The following PRH1 variants were observed in gnomAD, a reference collection of about 807,000 sequenced individuals.
PRH1 encodes proline rich protein HaeIII subfamily 1, also known as salivary acidic proline-rich phosphoprotein 1/2.
In PRH1, 7 loss-of-function variants were observed where a neutral mutation model predicts 7.9. That is an observed-to-expected ratio of 0.89 (90% CI 0.50 to 1.67). The LOEUF (loss-of-function observed/expected upper bound fraction) is 1.67, where lower values mean the gene tolerates loss of function less well. PRH1 is among the 40% of genes most tolerant of loss of function. The pLI is 0.00. For missense variants in PRH1, 109 were observed against 223.6 expected, an observed-to-expected ratio of 0.49 and a Z score of 3.27; for synonymous variants, 45 against 80.8, an observed-to-expected ratio of 0.56 and a Z score of 2.38.
intron 1 of PRH1, among the ~76,000 whole-genome samples, chr12:10,977,836 G>A (rs1397619385): frequency 2.0e-5 from 3 of 151,994 alleles, no homozygotes; most frequent in Admixed American, 6.6e-5. Flanking sequence ...ACATATAGAG[G>A]AATACAGCTG....
intron 2 of PRH1, among the ~76,000 whole-genome samples, chr12:10,903,553 A>G (rs759407680): frequency 6.6e-6 from 1 of 152,066 alleles, no homozygotes; most frequent in Non-Finnish European, 1.5e-5. Context: ...CATCTATGAC[A>G]AAACTACAGC....
chr12:11,077,316 T>C, intron 1 of PRH1: 1 of 287,666 alleles, frequency 3.5e-6, no homozygotes, highest in Non-Finnish European at 7.0e-6. Context: ...TGTGAATCTA[T>C]GGAGTTGAGG....
intron 1 of PRH1, among the ~76,000 whole-genome samples, chr12:11,107,011 TG>T (rs1340327320): frequency 6.6e-6 from 1 of 152,092 alleles, no homozygotes; most frequent in East Asian, 1.9e-4. Context: ...CCTTCTTTTT[TG>T]GGGTAGGGGA....
intron 2 of PRH1, chr12:10,938,261 G>C: frequency 6.3e-7 from 1 of 1,580,250 alleles, no homozygotes; most frequent in Non-Finnish European, 8.6e-7. Context: ...TATTCAAGAT[G>C]ATTCTCTAAA....
chr12:11,066,858 A>G (rs1281250789), intron 1 of PRH1, among the ~76,000 whole-genome samples: 1 of 135,516 alleles, frequency 7.4e-6, no homozygotes, highest in Non-Finnish European at 1.7e-5. Context: ...AAACCAACAT[A>G]TTTTCAAGAA....
At chr12:11,154,571 G>C (rs1473989721) in intron 1 of PRH1, among the ~76,000 whole-genome samples, 1 of 152,126 alleles carries the variant, frequency 6.6e-6, no homozygotes, top group Non-Finnish European at 1.5e-5. Flanking sequence ...GAAGGTTAGG[G>C]CCAGAACTTC....
chr12:11,095,906 A>T lies in PRH1; in HGVS notation n.124-48718T>A, dbSNP rs1945060455. Among the ~76,000 whole-genome samples the T allele has an allele frequency of 1.7e-5, 2 of 115,280 alleles. 1 individual carries two copies. The highest frequency in any genetic ancestry group is 4.7e-4 in the South Asian group (2 of 4,224). The allele number at this position is 115,280 out of a possible 152,430, so 75.6% of individuals were successfully genotyped here. ...ATTCTACTTTTGAAATACACTGAAG[A>T]CATGAATCCATTGAACTCTAGCTTT... is the stretch of plus-strand genomic sequence containing the variant. On this transcript the variant is annotated intron_variant and non_coding_transcript_variant, in intron 1 of 4. Coordinates refer to the PRH1 transcript ENST00000541977.
At position 10,961,308 on chromosome 12, in the gene PRH1, T is replaced by C. The variant is rs978127928; in HGVS notation, c.-59+12347A>G. 1.3e-5 allele frequency among the ~76,000 whole-genome samples: 2 copies of C among 150,614 alleles called. 1 individual carries two copies. Among genetic ancestry groups the C allele is most frequent in the African/African-American group, 5.0e-5 (2 of 40,006 alleles). ...CAAGAGAAAGAACCAGCAAAGGAGA[T>C]TGAGAAGAGGTGCCCAGCGAACAAT... On this transcript the variant is annotated intron_variant, in intron 2 of 3. Transcript: ENST00000539853.
intron 1 of PRH1, among the ~76,000 whole-genome samples, chr12:11,019,916 T>C (rs1030357630): frequency 6.6e-6 from 1 of 152,280 alleles, no homozygotes; most frequent in Non-Finnish European, 1.5e-5. Flanking sequence ...CAGGTGACCC[T>C]GACCCTGTGC....
At chr12:10,925,617 G>A (rs1202562466) in intron 2 of PRH1, among the ~76,000 whole-genome samples, 2 of 152,172 alleles carry the variant, frequency 1.3e-5, no homozygotes, top group African/African-American at 2.4e-5. Flanking sequence ...GAAAACAGGT[G>A]AATGGAAGCC....
At chr12:11,086,326 G>T in intron 1 of PRH1, among the ~76,000 whole-genome samples, 5 of 118,638 alleles carry the variant, frequency 4.2e-5, no homozygotes, top group Non-Finnish European at 1.0e-4. Flanking sequence ...CTATTCCTCG[G>T]ACACTTAAAA....
chr12:10,982,723 T>C (rs1939416398), intron 1 of PRH1, among the ~76,000 whole-genome samples: 2 of 152,168 alleles, frequency 1.3e-5, no homozygotes, highest in Non-Finnish European at 1.5e-5. Flanking sequence ...TATTATAACA[T>C]TGAACAGAAG....
At chr12:10,899,768 C>G (rs4763591) in intron 2 of PRH1, among the ~76,000 whole-genome samples, 75,385 of 151,908 alleles carry the variant, frequency 0.5, 20,933 homozygotes, top group East Asian at 0.72. Flanking sequence ...TTCCTTTATA[C>G]CAACACAAAC....
intron 1 of PRH1, among the ~76,000 whole-genome samples, chr12:11,124,854 T>A (rs1162081611): frequency 6.6e-6 from 1 of 152,300 alleles, no homozygotes; most frequent in East Asian, 1.9e-4. Context: ...TACGATTTTT[T>A]TTTTTGACAT....
At position 11,094,787 on chromosome 12, in the gene PRH1, T is replaced by A. The variant is rs1357243158; in HGVS notation, n.124-47599A>T. On this transcript the variant is annotated intron_variant and non_coding_transcript_variant, in intron 1 of 4. Coordinates refer to the PRH1 transcript ENST00000541977. ...ATGAACCAATACAAAACTGGGAAATTCCACAGTGTATCATAAACACTCAAG... is the reference window on the plus strand; with the variant it reads ...ATGAACCAATACAAAACTGGGAAATACCACAGTGTATCATAAACACTCAAG... Among the ~76,000 whole-genome samples the A allele has an allele frequency of 6.9e-5, 8 of 115,384 alleles. 2 individuals are homozygous for A. Among genetic ancestry groups the A allele is most frequent in the South Asian group, 4.7e-4 (2 of 4,284 alleles). The allele number at this position is 115,384 out of a possible 152,430, so 75.7% of individuals were successfully genotyped here.
chr12:11,145,765 T>A (rs1326070683), intron 1 of PRH1, among the ~76,000 whole-genome samples: 2 of 152,120 alleles, frequency 1.3e-5, no homozygotes, highest in Non-Finnish European at 2.9e-5. Context: ...TTAAGAACTT[T>A]TTTTTTGTAA....
intron 2 of PRH1, among the ~76,000 whole-genome samples, chr12:10,914,581 G>A (rs367939046): frequency 6.6e-6 from 1 of 152,120 alleles, no homozygotes; most frequent in East Asian, 1.9e-4. Flanking sequence ...TTGTTGTTTT[G>A]TAGAGTCTTT....
intron 2 of PRH1, among the ~76,000 whole-genome samples, chr12:10,966,782 T>C (rs1338070523): frequency 1.3e-5 from 2 of 151,754 alleles, no homozygotes; most frequent in African/African-American, 2.4e-5. Context: ...AAAAGAAAAA[T>C]AGATAAGGAA....
intron 2 of PRH1, among the ~76,000 whole-genome samples, chr12:10,901,821 G>GA (rs35598290): frequency 0.75 from 114,160 of 151,620 alleles, 45,234 homozygotes; most frequent in East Asian, 0.93. Context: ...GAAAGGGAAA[G>GA]AAAAAAGAAC....
Sources: allele counts gnomAD v4.1 joint callset (sites outside exome capture counted in the v4.1 genomes callset), GRCh38; gene constraint gnomAD v4.1.1; transcripts MANE v1.5; gene names NCBI Gene and HGNC (gene_info 2026-07-23, HGNC 2026-07-21).